SVEP1: variants seen among roughly 807,000 people sequenced by gnomAD.
SVEP1 encodes sushi, von Willebrand factor type A, EGF and pentraxin domain containing 1.
A neutral mutation model predicts 367.3 loss-of-function variants in SVEP1; 164 were observed. The observed-to-expected ratio is 0.45, with a 90% CI of 0.39 to 0.51. The LOEUF is 0.51. SVEP1 is among the 20% of genes least tolerant of loss of function. SVEP1 has a pLI of 0.00. For missense variants in SVEP1, 4,117 were observed against 4,425.3 expected, an observed-to-expected ratio of 0.93 and a Z score of 1.98; for synonymous variants, 1,666 against 1,611.6, an observed-to-expected ratio of 1.03 and a Z score of -0.81.
At chr9:110,560,208 T>G (rs1471980778) in intron 1 of SVEP1, among the ~76,000 whole-genome samples, 1 of 152,220 alleles carries the variant, frequency 6.6e-6, no homozygotes, top group African/African-American at 2.4e-5. Flanking sequence ...TACTGTAACA[T>G]ACTGTAAGGG....
At chr9:110,503,425 T>C (rs375672753) in intron 5 of SVEP1, among the ~76,000 whole-genome samples, 28 of 152,298 alleles carry the variant, frequency 1.8e-4, no homozygotes, top group African/African-American at 6.7e-4. Context: ...AATAATATCA[T>C]CGCATGCAGC....
chr9:110,499,461 T>C (rs532154180), intron 6 of SVEP1, among the ~76,000 whole-genome samples: 16 of 152,340 alleles, frequency 1.1e-4, no homozygotes, highest in Non-Finnish European at 1.9e-4. Flanking sequence ...CATCAAAACT[T>C]TCAAAAACTT....
In SVEP1 at chr9:110,546,156, T is replaced by A. The variant is rs1028179045; in HGVS notation, c.923A>T (p.Glu308Val). 6.4e-7 allele frequency: 1 copy of A among 1,553,846 alleles called. No individual in the cohort carries two copies. The highest frequency in any genetic ancestry group is 1.4e-5 in the African/African-American group (1 of 73,164). The change falls in exon 3 of 48, where the codon GAA (glutamate) becomes GTA (valine). Residue 308 changes from glutamate (E) to valine (V), a missense_variant. Transcript: ENST00000374469. ...CAGACCTTTCCCGTAATACCCCTTTTCACAGATGCACTCAAAATGGCCTGT... is the reference window on the plus strand; with the variant it reads ...CAGACCTTTCCCGTAATACCCCTTTACACAGATGCACTCAAAATGGCCTGT... ...THTGHFECIC[E>V]KGYYGKGLQY... is the part of the protein sequence containing the mutation.
chr9:110,512,188 G>C (rs1829728468), intron 5 of SVEP1, among the ~76,000 whole-genome samples: 1 of 152,074 alleles, frequency 6.6e-6, no homozygotes, highest in Non-Finnish European at 1.5e-5. Context: ...GAAGCTTTGT[G>C]GGCAGGGATT....
At chr9:110,535,476 C>T (rs1218882472) in intron 3 of SVEP1, among the ~76,000 whole-genome samples, 2 of 151,916 alleles carry the variant, frequency 1.3e-5, no homozygotes, top group African/African-American at 4.8e-5. Context: ...TTTCTTTTTT[C>T]TTAGGATTGT....
intron 37 of SVEP1, among the ~76,000 whole-genome samples, chr9:110,410,211 TA>T (rs1828025184): frequency 6.6e-6 from 1 of 152,206 alleles, no homozygotes; most frequent in Admixed American, 6.5e-5. Flanking sequence ...ATGTGGGTTT[TA>T]AAAAAGTGTT....
chr9:110,423,183 AG>A (rs372565522), intron 36 of SVEP1, among the ~76,000 whole-genome samples: 85 of 129,662 alleles, frequency 6.6e-4, no homozygotes, highest in South Asian at 2.1e-3. Flanking sequence ...AAAAAAAAAA[AG>A]AAAAAAAAAA....
rs749003247 is a variant in SVEP1, at chr9:110,379,488, C to T, written c.10267G>A (p.Glu3423Lys). The T allele has an allele frequency of 6.2e-7, 1 of 1,613,674 alleles. No homozygotes were observed. Among genetic ancestry groups the T allele is most frequent in the East Asian group, 2.2e-5 (1 of 44,856 alleles). The change falls in exon 44 of 48, where the codon GAA becomes AAA. Residue 3423 changes from glutamate (E) to lysine (K), a missense_variant. Physicochemically the swap from Glu to Lys is moderately conservative, Grantham distance 56. Coordinates refer to ENST00000374469, the MANE Select transcript of SVEP1 (RefSeq NM_153366.4). Reference sequence around the variant, plus strand: ...TGTACGCCTCGAGCAATTGCATTTTCTACGTGAGCTGGTGGACCACATGAG... The same window carrying T: ...TGTACGCCTCGAGCAATTGCATTTTTTACGTGAGCTGGTGGACCACATGAG... ...KISCGPPAHV[E>K]NAIARGVHYQ...
At chr9:110,493,276 T>C (rs540997543) in intron 8 of SVEP1, among the ~76,000 whole-genome samples, 1 of 151,922 alleles carries the variant, frequency 6.6e-6, no homozygotes, top group Admixed American at 6.5e-5. Context: ...ACAAGAGAGA[T>C]AATTTTTTTT....
intron 26 of SVEP1, among the ~76,000 whole-genome samples, chr9:110,444,293 A>G (rs538326247): frequency 6.6e-6 from 1 of 152,312 alleles, no homozygotes. Flanking sequence ...AAGGCTCTGA[A>G]GAGACCACTT....
intron 18 of SVEP1, among the ~76,000 whole-genome samples, chr9:110,459,909 G>GT (rs1239982272): frequency 5.3e-5 from 8 of 151,890 alleles, no homozygotes; most frequent in African/African-American, 1.9e-4. Context: ...TTTTATGGAG[G>GT]TTTTTTATGA....
chr9:110,386,156 A>G (rs1037385561), intron 42 of SVEP1, 82 bp from the exon 43 acceptor site: 4 of 1,443,858 alleles, frequency 2.8e-6, no homozygotes, highest in African/African-American at 2.9e-5. Context: ...TAGTAGTCCT[A>G]TAAGAGATGG....
At chr9:110,389,608 G>A (rs1412793706) in intron 40 of SVEP1, 21 bp from the exon 41 acceptor site, 4 of 1,612,706 alleles carry the variant, frequency 2.5e-6, no homozygotes, top group African/African-American at 1.3e-5. Flanking sequence ...ATGGAGAAAG[G>A]TCATCAAGAT....
At chr9:110,548,508 C>T (rs1258986194) in intron 2 of SVEP1, among the ~76,000 whole-genome samples, 3 of 151,922 alleles carry the variant, frequency 2.0e-5, no homozygotes, top group African/African-American at 7.3e-5. Context: ...ATTCTATTTA[C>T]AAGAAACCTA....
At chr9:110,448,580 T>C (rs146380239) in intron 24 of SVEP1, among the ~76,000 whole-genome samples, 38 of 152,350 alleles carry the variant, frequency 2.5e-4, no homozygotes, top group African/African-American at 9.1e-4. Flanking sequence ...TTGGTGTCAT[T>C]ACAACACTAT....
intron 22 of SVEP1, among the ~76,000 whole-genome samples, chr9:110,453,671 C>G (rs1016028892): frequency 1.3e-5 from 2 of 151,860 alleles, no homozygotes; most frequent in Non-Finnish European, 2.9e-5. Context: ...AGTTCAAGAC[C>G]AGCCTGACCA....
chr9:110,509,490 A>G (rs547691164), intron 5 of SVEP1, among the ~76,000 whole-genome samples: 17 of 152,326 alleles, frequency 1.1e-4, no homozygotes, highest in Non-Finnish European at 2.4e-4. Flanking sequence ...TTGGAATTGC[A>G]ATTGAAATTA....
At chr9:110,553,279 T>C (rs1401236968) in intron 1 of SVEP1, among the ~76,000 whole-genome samples, 1 of 152,220 alleles carries the variant, frequency 6.6e-6, no homozygotes, top group Non-Finnish European at 1.5e-5. Context: ...TTTTCAAAAG[T>C]GCAGTGCTTG....
rs1564127389 is a variant in SVEP1, at chr9:110,390,241, G to GTATATATACGTATATATATACATACT, written c.9823-655_9823-654insAGTATGTATATATATACGTATATATA. ...TGTATATATACTTATATAAGTATGT[G>GTATATATACGTATATATATACATACT]TATATATACTTATATAAGTATGTAT... On this transcript the variant is annotated intron_variant, in intron 40 of 47. Coordinates refer to ENST00000374469, the MANE Select transcript of SVEP1 (RefSeq NM_153366.4). Among the ~76,000 whole-genome samples the GTATATATACGTATATATATACATACT allele has an allele frequency of 1.0e-3, 54 of 52,630 alleles. 1 individual carries two copies. Among genetic ancestry groups the GTATATATACGTATATATATACATACT allele is most frequent in the Non-Finnish European group, 1.7e-3 (45 of 26,746 alleles). The allele number at this position is 52,630 out of a possible 152,430, so 34.5% of individuals were successfully genotyped here.
Sources: allele counts gnomAD v4.1 joint callset (sites outside exome capture counted in the v4.1 genomes callset), GRCh38; gene constraint gnomAD v4.1.1; transcripts MANE v1.5; gene names NCBI Gene and HGNC (gene_info 2026-07-23, HGNC 2026-07-21).